Variants in SYNPR observed in about 807,000 individuals in gnomAD.
SYNPR encodes the protein synaptoporin.
A neutral mutation model predicts 32.9 loss-of-function variants in SYNPR; 23 were observed. That is an observed-to-expected ratio of 0.70 (90% CI 0.50 to 0.99). SYNPR has a LOEUF of 0.99. SYNPR is among the 50% of genes least tolerant of loss of function. SYNPR has a pLI of 0.00. For missense variants in SYNPR, 318 were observed against 349.3 expected (o/e 0.91, Z 0.71); for synonymous variants, 146 against 135.9 (o/e 1.07, Z -0.52).
At chr3:63,347,080 T>C (rs998097710) in intron 2 of SYNPR, among the ~76,000 whole-genome samples, 1 of 152,120 alleles carries the variant, frequency 6.6e-6, no homozygotes, top group African/African-American at 2.4e-5. Context: ...TTGAGAAAAA[T>C]TAACTGAGAT....
At chr3:63,611,027 A>G (rs1700189507) in intron 5 of SYNPR, among the ~76,000 whole-genome samples, 1 of 152,200 alleles carries the variant, frequency 6.6e-6, no homozygotes, top group Non-Finnish European at 1.5e-5. Context: ...CAGAAAACTC[A>G]ATTCAAACTG....
chr3:63,362,417 A>G (rs1279898878), intron 2 of SYNPR, among the ~76,000 whole-genome samples: 1 of 152,188 alleles, frequency 6.6e-6, no homozygotes, highest in East Asian at 1.9e-4. Context: ...GACAGGCACC[A>G]TGTTAGGAAA....
chr3:63,588,382 T>C (rs1010099053), intron 4 of SYNPR, among the ~76,000 whole-genome samples: 1 of 152,068 alleles, frequency 6.6e-6, no homozygotes, highest in African/African-American at 2.4e-5. Context: ...AGATGTTTCA[T>C]CTATATGCTG....
At chr3:63,421,588 C>A (rs1317380633) in intron 2 of SYNPR, among the ~76,000 whole-genome samples, 1 of 152,134 alleles carries the variant, frequency 6.6e-6, no homozygotes, top group Non-Finnish European at 1.5e-5. Context: ...CTTGTATATT[C>A]ATTTCCAATT....
At chr3:63,273,684 G>C (rs751453588), upstream of SYNPR, among the ~76,000 whole-genome samples, 2 of 152,056 alleles carry the variant, frequency 1.3e-5, no homozygotes, top group African/African-American at 2.4e-5. Flanking sequence ...ATCCATATAT[G>C]AATTTTTATA....
chr3:63,254,847 G>C (rs2086368475), intron 2 of SYNPR, among the ~76,000 whole-genome samples: 2 of 152,114 alleles, frequency 1.3e-5, no homozygotes, highest in African/African-American at 4.8e-5. Context: ...ATTAGGGTGG[G>C]CCCTAATCCA....
At chr3:63,210,358 G>T in the SYNPR span, among the ~76,000 whole-genome samples, 1 of 152,200 alleles carries the variant, frequency 6.6e-6, no homozygotes, top group Non-Finnish European at 1.5e-5. Flanking sequence ...ACTGGAGTTA[G>T]AACCAATCAG....
intron 2 of SYNPR, among the ~76,000 whole-genome samples, chr3:63,371,874 CT>C (rs1385053041): frequency 3.9e-5 from 6 of 152,100 alleles, no homozygotes; most frequent in African/African-American, 1.2e-4. Context: ...TAGTACCACC[CT>C]AACCACCCTC....
intron 3 of SYNPR, among the ~76,000 whole-genome samples, chr3:63,498,222 A>T (rs1379302436): frequency 1.3e-5 from 2 of 152,102 alleles, no homozygotes; most frequent in Non-Finnish European, 2.9e-5. Context: ...ATTGGATGGG[A>T]GGTGGGCACT....
chr3:63,231,013 A>T (rs764647183), intron 1 of SYNPR, among the ~76,000 whole-genome samples: 8 of 152,188 alleles, frequency 5.3e-5, no homozygotes, highest in Non-Finnish European at 5.9e-5. Flanking sequence ...TACCCAAAGG[A>T]AACAAAGTCA....
At chr3:63,500,763 T>G (rs542572132) in intron 3 of SYNPR, among the ~76,000 whole-genome samples, 2 of 152,288 alleles carry the variant, frequency 1.3e-5, no homozygotes, top group Non-Finnish European at 1.5e-5. Flanking sequence ...TTGTGGTATT[T>G]CCAATTATTT....
intron 2 of SYNPR, among the ~76,000 whole-genome samples, chr3:63,315,109 C>A (rs2087026769): frequency 6.6e-6 from 1 of 151,904 alleles, no homozygotes; most frequent in Non-Finnish European, 1.5e-5. Flanking sequence ...TATTTTTATC[C>A]CAGTACCATG....
the SYNPR span, among the ~76,000 whole-genome samples, chr3:63,209,077 T>C: frequency 2.0e-5 from 3 of 152,238 alleles, no homozygotes; most frequent in East Asian, 5.8e-4. Context: ...ATTAAAAACA[T>C]ATCACTCATC....
chr3:63,596,336 C>T (rs1346305976), intron 4 of SYNPR, among the ~76,000 whole-genome samples: 2 of 142,502 alleles, frequency 1.4e-5, no homozygotes, highest in East Asian at 4.5e-4. Context: ...CCTTCCCCCT[C>T]CACTTTCTCT....
At chr3:63,385,179 TAA>T (rs1394047437) in intron 2 of SYNPR, among the ~76,000 whole-genome samples, 2 of 152,180 alleles carry the variant, frequency 1.3e-5, no homozygotes, top group Admixed American at 1.3e-4. Flanking sequence ...GCTCTGAAAA[TAA>T]GTCTAATGAA....
chr3:63,370,421 T>A (rs532110323), intron 2 of SYNPR, among the ~76,000 whole-genome samples: 2 of 152,356 alleles, frequency 1.3e-5, no homozygotes, highest in Non-Finnish European at 1.5e-5. Flanking sequence ...AAAAACACAT[T>A]GACAAGCTGT....
At chr3:63,484,931 A>C (rs1166136845) in intron 3 of SYNPR, among the ~76,000 whole-genome samples, 2 of 152,244 alleles carry the variant, frequency 1.3e-5, no homozygotes, top group Non-Finnish European at 2.9e-5. Context: ...ATTCCTTATA[A>C]GTTGAATAGG....
chr3:63,361,652 C>CAGT (rs59325130), intron 2 of SYNPR, among the ~76,000 whole-genome samples: 1,682 of 150,222 alleles, frequency 0.011, 39 homozygotes, highest in African/African-American at 0.039. Context: ...AACAGGTGTT[C>CAGT]AGTTTATATT....
intron 4 of SYNPR, among the ~76,000 whole-genome samples, chr3:63,603,750 A>G (rs947352565): frequency 5.3e-5 from 8 of 152,058 alleles, no homozygotes; most frequent in African/African-American, 1.9e-4. Context: ...GTTTGCTAGT[A>G]TTTTGTTGAG....
Sources: allele counts gnomAD v4.1 joint callset (sites outside exome capture counted in the v4.1 genomes callset), GRCh38; gene constraint gnomAD v4.1.1; transcripts MANE v1.5; gene names NCBI Gene and HGNC (gene_info 2026-07-23, HGNC 2026-07-21).